The following EGFR variants were observed in gnomAD, a reference collection of about 807,000 sequenced individuals.
The protein encoded by EGFR is epidermal growth factor receptor.
In EGFR, 58 loss-of-function variants were observed where a neutral mutation model predicts 143.0. That is an observed-to-expected ratio of 0.41 (90% CI 0.33 to 0.50). The LOEUF is 0.50. Among genes scored for constraint, EGFR ranks in the 20% least tolerant of loss-of-function variants. EGFR has a pLI of 0.39. For synonymous variants in EGFR, 613 were observed against 594.4 expected (o/e 1.03, Z -0.45); for missense variants, 1,307 against 1,579.0 (o/e 0.83, Z 2.92).
At chr7:55,170,825 C>A (rs1380563696) in intron 15 of EGFR, 3 of 1,417,128 alleles carry the variant, frequency 2.1e-6, no homozygotes, top group Non-Finnish European at 2.8e-6. Context: ...TGCTTCTAGC[C>A]TTGGTTCCTT....
intron 1 of EGFR, among the ~76,000 whole-genome samples, chr7:55,102,296 G>T (rs1791879518): frequency 6.6e-6 from 1 of 152,140 alleles, no homozygotes; most frequent in Non-Finnish European, 1.5e-5. Context: ...CTCTCAGCCA[G>T]ATGGCTTTGC....
intron 16 of EGFR, 166 bp from the exon 17 acceptor site, chr7:55,172,817 C>T (rs756867813): frequency 9.7e-6 from 15 of 1,545,198 alleles, no homozygotes; most frequent in Non-Finnish European, 1.3e-5. Context: ...GGAAACGTTG[C>T]CTTAGAAGCC....
intron 1 of EGFR, among the ~76,000 whole-genome samples, chr7:55,035,841 A>G (rs538865097): frequency 6.6e-6 from 1 of 152,268 alleles, no homozygotes; most frequent in African/African-American, 2.4e-5. Flanking sequence ...AGTTGCAAAA[A>G]ATCTACTGGG....
rs1322299139 is a variant in EGFR, at chr7:55,174,051, C to T, written c.2184+8C>T. 6.2e-7 allele frequency: 1 copy of T among 1,614,162 alleles called. No homozygotes were observed. Among genetic ancestry groups the T allele is most frequent in the Admixed American group, 1.7e-5 (1 of 60,028 alleles). Reference sequence around the variant, plus strand: ...TTCGGCACGGTGTATAAGGTAAGGTCCCTGGCACAGGCCTCTGGGCTGGGC... The same window carrying T: ...TTCGGCACGGTGTATAAGGTAAGGTTCCTGGCACAGGCCTCTGGGCTGGGC... On this transcript the variant is annotated splice_region_variant and intron_variant, in intron 18 of 27. Transcript: ENST00000275493.
chr7:55,121,516 G>T (rs1462439511), intron 1 of EGFR, among the ~76,000 whole-genome samples: 2 of 152,180 alleles, frequency 1.3e-5, no homozygotes, highest in East Asian at 3.8e-4. Flanking sequence ...GCTGTCATTT[G>T]TCCTAGTAGC....
intron 1 of EGFR, among the ~76,000 whole-genome samples, chr7:55,053,148 G>A (rs769313879): frequency 1.2e-4 from 18 of 152,162 alleles, no homozygotes; most frequent in Non-Finnish European, 2.2e-4. Context: ...AATGCTGCCC[G>A]CTGCACATTC....
rs17336087 is a variant in EGFR at position 55,094,802 on chromosome 7, A to G, written c.89-47484A>G. Among the ~76,000 whole-genome samples the G allele has an allele frequency of 2.0e-3, 304 of 152,358 alleles. 3 individuals carry two copies. The highest frequency in any genetic ancestry group is 5.0e-3 in the Admixed American group (77 of 15,306). ...TTACATTTTCACTTGTGTTTACTGT[A>G]CAGACTCTAGACAGATCCTGCTCTT... On this transcript the variant is annotated intron_variant, in intron 1 of 27. Transcript: ENST00000275493.
chr7:55,102,475 A>G (rs1791887765), intron 1 of EGFR, among the ~76,000 whole-genome samples: 1 of 152,102 alleles, frequency 6.6e-6, no homozygotes, highest in Non-Finnish European at 1.5e-5. Flanking sequence ...CATATTGTTC[A>G]CTCACTAAGT....
chr7:55,167,507 G>GTGGTGGTGA (rs1786111956), intron 15 of EGFR, among the ~76,000 whole-genome samples: 1 of 147,944 alleles, frequency 6.8e-6, no homozygotes, highest in Non-Finnish European at 1.5e-5. Flanking sequence ...CACAATGGTG[G>GTGGTGGTGA]TGGTGGTGAT....
chr7:55,131,621 T>C (rs956012400), intron 1 of EGFR, among the ~76,000 whole-genome samples: 3 of 152,124 alleles, frequency 2.0e-5, no homozygotes, highest in Non-Finnish European at 2.9e-5. Flanking sequence ...TCGAAGCTGC[T>C]TCTCCCCAAG....
chr7:55,030,914 G>C (rs1787208498), intron 1 of EGFR, among the ~76,000 whole-genome samples: 1 of 152,226 alleles, frequency 6.6e-6, no homozygotes, highest in Non-Finnish European at 1.5e-5. Context: ...GGAATGGAGA[G>C]TGCGGCAGTG....
chr7:55,151,390 T>C (rs1785142591), intron 5 of EGFR, 28 bp downstream of exon 5: 1 of 1,611,654 alleles, frequency 6.2e-7, no homozygotes, highest in Non-Finnish European at 8.5e-7. Context: ...CTCAGACCCA[T>C]GTGTGACCGC....
intron 7 of EGFR, 129 bp downstream of exon 7, chr7:55,154,281 G>C: frequency 7.0e-7 from 1 of 1,427,668 alleles, no homozygotes; most frequent in Non-Finnish European, 9.6e-7. Flanking sequence ...TGGAGGAGGC[G>C]ACCCTGTGCC....
At chr7:55,062,900 G>T (rs545863316) in intron 1 of EGFR, among the ~76,000 whole-genome samples, 3 of 151,946 alleles carry the variant, frequency 2.0e-5, no homozygotes, top group Non-Finnish European at 4.4e-5. Context: ...TCTCATGCCA[G>T]GCACTGTGCT....
At chr7:55,198,955 AT>A in intron 23 of EGFR, 92 bp downstream of exon 23, 1 of 1,517,434 alleles carries the variant, frequency 6.6e-7, no homozygotes. Context: ...CCCTGGAGAA[AT>A]GTCATCACAT....
rs568714426 is a variant in EGFR, at chr7:55,100,410, T to C, written c.89-41876T>C. Among the ~76,000 whole-genome samples the C allele has an allele frequency of 9.2e-5, 14 of 152,336 alleles. No homozygotes were observed. In the South Asian group the frequency reaches 2.3e-3, roughly 25 times the overall value. Reference sequence around the variant, plus strand: ...TGTGTAAACAGTTGTATTAATTACATCTCAAAAACATGGTTCTTGCCAGAT... The same window carrying C: ...TGTGTAAACAGTTGTATTAATTACACCTCAAAAACATGGTTCTTGCCAGAT... On this transcript the variant is annotated intron_variant, in intron 1 of 27. Coordinates refer to ENST00000275493, the MANE Select transcript of EGFR (RefSeq NM_005228.5).
At position 55,143,500 on chromosome 7, in the gene EGFR, G is replaced by A. The variant is rs2128927627; in HGVS notation, c.424+12G>A. 1 of 1,614,172 alleles carries A rather than the reference G, an allele frequency of 6.2e-7. No homozygotes were observed. Among genetic ancestry groups the A allele is most frequent in the Non-Finnish European group, 8.5e-7 (1 of 1,180,010 alleles). ...GAGAAATTTACAGGGTGAGAGGCTG[G>A]GATGCCAAGGCTGGGGGTTCATAAA... On this transcript the variant is annotated intron_variant, in intron 3 of 27. Coordinates refer to ENST00000275493, the MANE Select transcript of EGFR (RefSeq NM_005228.5).
In EGFR at chr7:55,142,858, C is replaced by T. The variant is rs75773807; in HGVS notation, c.240+421C>T. Among the ~76,000 whole-genome samples the T allele has an allele frequency of 2.2e-4, 34 of 152,308 alleles. 1 individual carries two copies. The East Asian group carries it at 3.9e-3, about 17-fold the overall frequency. ...CACAGAATTCTTATTTCACGATAGGCGCTAATGACCCCATAGGAGCCAGCT... is the reference window on the plus strand; with the variant it reads ...CACAGAATTCTTATTTCACGATAGGTGCTAATGACCCCATAGGAGCCAGCT... On this transcript the variant is annotated intron_variant, in intron 2 of 27. Coordinates refer to ENST00000275493, the MANE Select transcript of EGFR (RefSeq NM_005228.5).
intron 1 of EGFR, among the ~76,000 whole-genome samples, chr7:55,061,272 C>T (rs1221545933): frequency 1.3e-5 from 2 of 152,158 alleles, no homozygotes; most frequent in Non-Finnish European, 2.9e-5. Flanking sequence ...GTCCCAGCCC[C>T]GGGAAGGCTC....
Sources: allele counts gnomAD v4.1 joint callset (sites outside exome capture counted in the v4.1 genomes callset), GRCh38; gene constraint gnomAD v4.1.1; transcripts MANE v1.5; gene names NCBI Gene and HGNC (gene_info 2026-07-23, HGNC 2026-07-21).